The following SCFD2 variants were observed in gnomAD, a reference collection of about 807,000 sequenced individuals.
The protein encoded by SCFD2 is sec1 family domain containing 2.
A neutral mutation model predicts 58.9 loss-of-function variants in SCFD2; 54 were observed. The observed-to-expected ratio is 0.92, with a 90% CI of 0.74 to 1.15. The LOEUF is 1.15. SCFD2 is among the 50% of genes most tolerant of loss of function. The pLI, the probability that SCFD2 is intolerant of heterozygous loss-of-function variation, is 0.00. For missense variants in SCFD2, 805 were observed against 836.6 expected (o/e 0.96, Z 0.47); for synonymous variants, 321 against 335.9 (o/e 0.96, Z 0.49).
intron 7 of SCFD2, among the ~76,000 whole-genome samples, chr4:52,895,827 T>C (rs190171773): frequency 1.3e-3 from 199 of 152,316 alleles, no homozygotes; most frequent in African/African-American, 4.5e-3. Flanking sequence ...GCACCTGTTG[T>C]TTCCTGACTT....
chr4:52,988,657 A>G (rs961331914), intron 5 of SCFD2, among the ~76,000 whole-genome samples: 5 of 152,218 alleles, frequency 3.3e-5, no homozygotes, highest in African/African-American at 9.6e-5. Flanking sequence ...GAGGGACGCC[A>G]AACCTCCATT....
At chr4:53,121,957 C>A (rs955115121) in intron 5 of SCFD2, among the ~76,000 whole-genome samples, 3 of 152,004 alleles carry the variant, frequency 2.0e-5, no homozygotes, top group Non-Finnish European at 2.9e-5. Context: ...AAAGTGAGTT[C>A]TTGCTTTTAA....
chr4:53,037,572 CTT>C (rs750650342), intron 5 of SCFD2, among the ~76,000 whole-genome samples: 1 of 152,038 alleles, frequency 6.6e-6, no homozygotes, highest in Non-Finnish European at 1.5e-5. Flanking sequence ...GAAATGGAAA[CTT>C]GATTCTGAGT....
intron 7 of SCFD2, among the ~76,000 whole-genome samples, chr4:52,899,018 C>T (rs1173814508): frequency 5.3e-5 from 8 of 152,272 alleles, no homozygotes; most frequent in Non-Finnish European, 7.3e-5. Flanking sequence ...CTTCCTCCAT[C>T]GCTTTATTTT....
At chr4:53,250,064 T>C (rs1325382743) in intron 4 of SCFD2, among the ~76,000 whole-genome samples, 1 of 152,048 alleles carries the variant, frequency 6.6e-6, no homozygotes, top group African/African-American at 2.4e-5. Context: ...CCATCTCACA[T>C]GCAGAGACAC....
chr4:53,065,508 A>G (rs1340783481), intron 5 of SCFD2, among the ~76,000 whole-genome samples: 1 of 152,084 alleles, frequency 6.6e-6, no homozygotes, highest in East Asian at 1.9e-4. Context: ...ACTCTGGTTC[A>G]CCTAAAAGAA....
chr4:53,268,240 AC>A (rs1009735075), intron 4 of SCFD2, among the ~76,000 whole-genome samples: 6 of 151,888 alleles, frequency 4.0e-5, no homozygotes, highest in Non-Finnish European at 1.5e-5. Context: ...GGTTGTTGGA[AC>A]CCAAGGGGAT....
chr4:53,027,602 C>A (rs1221674029), intron 5 of SCFD2, among the ~76,000 whole-genome samples: 1 of 152,240 alleles, frequency 6.6e-6, no homozygotes, highest in African/African-American at 2.4e-5. Context: ...CCAAGGCAGG[C>A]GGATCACTTG....
chr4:53,354,123 C>T (rs1000785476), intron 1 of SCFD2, among the ~76,000 whole-genome samples: 1 of 152,254 alleles, frequency 6.6e-6, no homozygotes, highest in South Asian at 2.1e-4. Flanking sequence ...CAGGGTGCTG[C>T]GGAGCAGGGG....
At chr4:53,011,582 G>A (rs768821056) in intron 5 of SCFD2, among the ~76,000 whole-genome samples, 1 of 152,236 alleles carries the variant, frequency 6.6e-6, no homozygotes, top group Non-Finnish European at 1.5e-5. Flanking sequence ...TCCTTGTAGT[G>A]TGTTGTGTAC....
chr4:52,976,025 G>C (rs761787812), intron 5 of SCFD2, among the ~76,000 whole-genome samples: 2 of 119,622 alleles, frequency 1.7e-5, no homozygotes, highest in African/African-American at 3.2e-5. Flanking sequence ...GCCTGTTGTG[G>C]GGTGGGGGGA....
intron 5 of SCFD2, among the ~76,000 whole-genome samples, chr4:52,929,150 C>T (rs1444023589): frequency 6.6e-6 from 1 of 152,102 alleles, no homozygotes; most frequent in African/African-American, 2.4e-5. Flanking sequence ...ACATATATGA[C>T]AAAAACTCTG....
At chr4:53,033,648 T>A (rs1171104746) in intron 5 of SCFD2, among the ~76,000 whole-genome samples, 1 of 152,094 alleles carries the variant, frequency 6.6e-6, no homozygotes, top group African/African-American at 2.4e-5. Context: ...TCACCACTGA[T>A]CCCACAGAAA....
chr4:53,354,226 C>A (rs1213463930), intron 1 of SCFD2, among the ~76,000 whole-genome samples: 2 of 152,204 alleles, frequency 1.3e-5, no homozygotes, highest in Non-Finnish European at 2.9e-5. Flanking sequence ...CCAAGCCCTG[C>A]CCCGCGGGGA....
At position 53,263,212 on chromosome 4, in the gene SCFD2, T is replaced by C. The variant is rs533953555; in HGVS notation, c.1311+10614A>G. Among the ~76,000 whole-genome samples, 12 of 152,194 alleles carry C rather than the reference T, an allele frequency of 7.9e-5. No homozygotes were observed. In the South Asian group the frequency reaches 2.5e-3, roughly 32 times the overall value. ...GACTTCACCTTTCTCTGGCGTCTCC[T>C]TGATTAGCTTAATAATCGACCTTCG... On this transcript the variant is annotated intron_variant, in intron 4 of 8. Transcript: ENST00000401642.
At chr4:53,204,280 T>C (rs930897539) in intron 4 of SCFD2, among the ~76,000 whole-genome samples, 20 of 151,958 alleles carry the variant, frequency 1.3e-4, no homozygotes, top group African/African-American at 4.8e-4. Context: ...ACAACTTTTT[T>C]TAAAAAAGCA....
chr4:52,933,621 C>G (rs1379356207), intron 5 of SCFD2, among the ~76,000 whole-genome samples: 3 of 152,158 alleles, frequency 2.0e-5, no homozygotes, highest in Admixed American at 2.0e-4. Context: ...TGAACTACAG[C>G]CGGCTCCATG....
chr4:52,973,937 A>T (rs1354591463), intron 5 of SCFD2, among the ~76,000 whole-genome samples: 1 of 152,230 alleles, frequency 6.6e-6, no homozygotes, highest in Non-Finnish European at 1.5e-5. Flanking sequence ...ATCTCAATAG[A>T]TGCAGAAAAA....
chr4:53,234,414 C>A (rs368103864), intron 4 of SCFD2, among the ~76,000 whole-genome samples: 110 of 152,246 alleles, frequency 7.2e-4, no homozygotes, highest in Non-Finnish European at 1.5e-3. Flanking sequence ...TTTATTAATT[C>A]TCTCTATAAA....
Sources: gnomAD v4.1 joint callset for allele counts (sites outside exome capture counted in the v4.1 genomes callset) on GRCh38, gnomAD v4.1.1 for gene constraint, MANE v1.5 for transcripts, NCBI Gene and HGNC (gene_info 2026-07-23, HGNC 2026-07-21) for gene names.